CERK: variants seen among roughly 807,000 people sequenced by gnomAD.
CERK encodes acylsphingosine kinase.
In CERK, 39 loss-of-function variants were observed where a neutral mutation model predicts 63.4. That is an observed-to-expected ratio of 0.61 (90% confidence interval 0.48 to 0.80). The LOEUF (loss-of-function observed/expected upper bound fraction) is 0.80. Ranked by LOEUF, CERK falls within the 30% of genes least tolerant of loss-of-function variation. The pLI is 0.00. For synonymous variants in CERK, 302 were observed against 280.0 expected, an observed-to-expected ratio of 1.08 and a Z score of -0.78; for missense variants, 670 against 714.1, an observed-to-expected ratio of 0.94 and a Z score of 0.70.
intron 3 of CERK, among the ~76,000 whole-genome samples, chr22:46,716,138 C>T (rs984603622): frequency 1.1e-4 from 16 of 151,544 alleles, no homozygotes; most frequent in South Asian, 4.2e-4. Context: ...TGCAGTGAAC[C>T]GTGATTGTGC....
At chr22:46,708,174 C>T (rs532172905) in intron 5 of CERK, among the ~76,000 whole-genome samples, 186 bp from the exon 6 acceptor site, 21 of 152,340 alleles carry the variant, frequency 1.4e-4, no homozygotes, top group African/African-American at 4.6e-4. Flanking sequence ...GCCTAGACCA[C>T]GTGTACAAAT....
chr22:46,733,172 C>T lies in CERK; in HGVS notation c.142+4835G>A, dbSNP rs1307225686. ...GCAGTGAGCTGAGATCACGCCACTG[C>T]ACTCCAGCCCTGGGCGACAGAGTGG... is the stretch of plus-strand genomic sequence containing the variant. On this transcript the variant is annotated intron_variant, in intron 1 of 12. Transcript: ENST00000216264. Among the ~76,000 whole-genome samples the T allele has an allele frequency of 6.4e-4, 86 of 134,856 alleles. No individual in the cohort carries two copies. In the Middle Eastern group the frequency reaches 0.014, roughly 21 times the overall value. 88.5% of individuals were successfully genotyped at this position (134,856 alleles called of 152,430 possible). A position where few individuals can be genotyped will look rare whatever the true frequency, so the allele number is the denominator to read the frequency against.
At chr22:46,713,204 T>C (rs1218552424) in intron 3 of CERK, among the ~76,000 whole-genome samples, 2 of 151,866 alleles carry the variant, frequency 1.3e-5, no homozygotes, top group African/African-American at 2.4e-5. Context: ...CCTAAGTCCA[T>C]ACAAAAATCC....
chr22:46,729,088 T>A (rs2082933524), intron 1 of CERK, among the ~76,000 whole-genome samples: 1 of 152,164 alleles, frequency 6.6e-6, no homozygotes, highest in African/African-American at 2.4e-5. Flanking sequence ...ATTGGCTGGG[T>A]CTGGTGTCTC....
chr22:46,721,034 C>T lies in CERK; in HGVS notation c.143-19G>A. 1 of 1,506,218 alleles carries T rather than the reference C, an allele frequency of 6.6e-7. No homozygotes were observed. Among genetic ancestry groups the T allele is most frequent in the Non-Finnish European group, 9.2e-7 (1 of 1,082,104 alleles). The allele number at this position is 1,506,218 out of a possible 1,614,324, so 93.3% of individuals were successfully genotyped here. Reference sequence around the variant, plus strand: ...CAGGCATCTGTAAAAACACCACGTCCTTCTGTCAAAGAATTCGTCAGAATC... The same window carrying T: ...CAGGCATCTGTAAAAACACCACGTCTTTCTGTCAAAGAATTCGTCAGAATC... On this transcript the variant is annotated intron_variant, in intron 1 of 12. Coordinates refer to ENST00000216264, the MANE Select transcript of CERK (RefSeq NM_022766.6).
intron 5 of CERK, among the ~76,000 whole-genome samples, chr22:46,709,466 G>A (rs1458536980): frequency 6.6e-6 from 1 of 152,166 alleles, no homozygotes; most frequent in African/African-American, 2.4e-5. Flanking sequence ...CTGCTTCCTG[G>A]AGCCCATGAA....
chr22:46,704,043 C>T (rs547058197), intron 6 of CERK, among the ~76,000 whole-genome samples: 2 of 152,372 alleles, frequency 1.3e-5, no homozygotes, highest in East Asian at 3.9e-4. Context: ...CCCCCAGTGG[C>T]ATTTGCTACA....
At chr22:46,702,586 G>GCC (rs1601715094) in intron 6 of CERK, among the ~76,000 whole-genome samples, 1 of 152,300 alleles carries the variant, frequency 6.6e-6, no homozygotes, top group East Asian at 1.9e-4. Flanking sequence ...ACCACACCTG[G>GCC]CCCTCGTAAA....
intron 1 of CERK, among the ~76,000 whole-genome samples, chr22:46,727,318 C>T (rs1371804808): frequency 6.6e-6 from 1 of 151,934 alleles, no homozygotes; most frequent in Non-Finnish European, 1.5e-5. Context: ...CTCACTGTGT[C>T]ACCCAGGCTG....
intron 6 of CERK, among the ~76,000 whole-genome samples, chr22:46,706,559 G>A (rs891733440): frequency 6.6e-6 from 1 of 152,176 alleles, no homozygotes; most frequent in African/African-American, 2.4e-5. Flanking sequence ...TCATTAGACA[G>A]GACTCTTCTC....
At chr22:46,728,896 G>T (rs1322094669) in intron 1 of CERK, among the ~76,000 whole-genome samples, 1 of 152,218 alleles carries the variant, frequency 6.6e-6, no homozygotes, top group Non-Finnish European at 1.5e-5. Context: ...AGGAGAGGGG[G>T]CTGGAGCAGG....
intron 8 of CERK, among the ~76,000 whole-genome samples, chr22:46,697,593 C>A (rs1264473487): frequency 2.0e-5 from 3 of 152,166 alleles, no homozygotes; most frequent in Non-Finnish European, 4.4e-5. Context: ...GCAGCCTCTG[C>A]CTCCCGGGTT....
intron 1 of CERK, among the ~76,000 whole-genome samples, chr22:46,728,145 C>A (rs1328929094): frequency 6.6e-6 from 1 of 152,142 alleles, no homozygotes; most frequent in Non-Finnish European, 1.5e-5. Context: ...TCCATACCAG[C>A]TGGCATCTCA....
At chr22:46,694,645 C>T (rs2082747243) in intron 9 of CERK, among the ~76,000 whole-genome samples, 1 of 152,206 alleles carries the variant, frequency 6.6e-6, no homozygotes, top group Non-Finnish European at 1.5e-5. Context: ...GGGTCCCTGC[C>T]TTCCTGTGGG....
intron 1 of CERK, among the ~76,000 whole-genome samples, chr22:46,729,608 A>C (rs2082935755): frequency 6.6e-6 from 1 of 152,122 alleles, no homozygotes; most frequent in Non-Finnish European, 1.5e-5. Context: ...TTACAAAATA[A>C]TGTACCAAAT....
rs147892655 is a variant in CERK at position 46,712,186 on chromosome 22, T to G, written c.487A>C (p.Ile163Leu). 26 of 1,614,096 alleles carry G rather than the reference T, an allele frequency of 1.6e-5. No homozygotes were observed. The African/African-American group carries it at 3.5e-4, about 22-fold the overall frequency. ...KVAPLFTLASITTDIIVTEHA... is the reference protein window; with the variant it reads ...KVAPLFTLASLTTDIIVTEHA... ...TTGTTACCGATGATGTCAGTGGTGATGGAGGCTAAGGTGAACAGTGGTGCC... is the reference window on the plus strand; with the variant it reads ...TTGTTACCGATGATGTCAGTGGTGAGGGAGGCTAAGGTGAACAGTGGTGCC... The change falls in exon 4 of 13, where the codon ATC (isoleucine) becomes CTC (leucine). Residue 163 changes from isoleucine to leucine, a missense_variant. Coordinates refer to ENST00000216264, the MANE Select transcript of CERK (RefSeq NM_022766.6).
At chr22:46,700,091 T>G (rs1054142444) in intron 7 of CERK, among the ~76,000 whole-genome samples, 2 of 143,890 alleles carry the variant, frequency 1.4e-5, no homozygotes, top group African/African-American at 5.2e-5. Flanking sequence ...AGACTCTGTT[T>G]CAAAAAAAAT....
chr22:46,724,938 A>G (rs752996865), intron 1 of CERK, among the ~76,000 whole-genome samples: 32 of 152,026 alleles, frequency 2.1e-4, no homozygotes, highest in South Asian at 8.3e-4. Context: ...GGAGAATGGC[A>G]TGAACCAGGG....
At chr22:46,704,581 C>T (rs801725) in intron 6 of CERK, among the ~76,000 whole-genome samples, 1 of 151,970 alleles carries the variant, frequency 6.6e-6, no homozygotes, top group Admixed American at 6.6e-5. Context: ...AATCCCAGCA[C>T]TTTGGGAGGC....
Sources: allele counts gnomAD v4.1 joint callset (sites outside exome capture counted in the v4.1 genomes callset), GRCh38; gene constraint gnomAD v4.1.1; transcripts MANE v1.5; gene names NCBI Gene and HGNC (gene_info 2026-07-23, HGNC 2026-07-21).